CCL28: variants seen among roughly 807,000 people sequenced by gnomAD.
CCL28 encodes the protein C-C motif chemokine 28.
Under a neutral mutation model 7.1 loss-of-function variants are expected in CCL28, and 4 were observed. The observed-to-expected ratio is 0.56, with a 90% CI of 0.28 to 1.29. The LOEUF is 1.29. Ranked by LOEUF, CCL28 falls within the 50% of genes most tolerant of loss-of-function variation. CCL28 has a pLI of 0.11. For missense variants in CCL28, 151 were observed against 163.4 expected, an observed-to-expected ratio of 0.92 and a Z score of 0.41; for synonymous variants, 55 against 57.8, an observed-to-expected ratio of 0.95 and a Z score of 0.22.
the CCL28 span, among the ~76,000 whole-genome samples, chr5:43,362,390 A>G: frequency 6.6e-6 from 1 of 152,190 alleles, no homozygotes; most frequent in South Asian, 2.1e-4. Context: ...TTTTGGGCCA[A>G]GACTATGGGG....
intron 1 of CCL28, among the ~76,000 whole-genome samples, chr5:43,389,365 G>A (rs544753007): frequency 4.3e-4 from 65 of 152,242 alleles, no homozygotes; most frequent in African/African-American, 1.5e-3. Context: ...TAGCTATGCT[G>A]TGCTGCCTAA....
the CCL28 span, among the ~76,000 whole-genome samples, chr5:43,370,142 G>C: frequency 2.0e-5 from 3 of 152,196 alleles, no homozygotes; most frequent in Admixed American, 1.3e-4. Context: ...ACCAGTATAA[G>C]AACTGTCCAA....
chr5:43,367,340 T>G, the CCL28 span, among the ~76,000 whole-genome samples: 1 of 152,172 alleles, frequency 6.6e-6, no homozygotes, highest in East Asian at 1.9e-4. Flanking sequence ...GTTTTGTGCT[T>G]GAAACCCAGG....
chr5:43,401,296 G>A (rs1741025805), intron 1 of CCL28, among the ~76,000 whole-genome samples: 1 of 152,208 alleles, frequency 6.6e-6, no homozygotes, highest in South Asian at 2.1e-4. Context: ...GTCCTGCCAG[G>A]TACTTTTTGG....
At chr5:43,392,369 G>A (rs1157201645) in intron 1 of CCL28, among the ~76,000 whole-genome samples, 4 of 152,006 alleles carry the variant, frequency 2.6e-5, no homozygotes, top group Admixed American at 1.3e-4. Flanking sequence ...TGCCTGCCTC[G>A]CCCTTCCAAA....
At chr5:43,408,928 T>A (rs1167754054) in intron 1 of CCL28, among the ~76,000 whole-genome samples, 1 of 151,642 alleles carries the variant, frequency 6.6e-6, no homozygotes, top group Non-Finnish European at 1.5e-5. Context: ...TCTCACTCTT[T>A]CACCCAGGCT....
downstream of CCL28, among the ~76,000 whole-genome samples, chr5:43,378,110 A>G (rs1485633962): frequency 6.6e-6 from 1 of 152,150 alleles, no homozygotes; most frequent in Non-Finnish European, 1.5e-5. Context: ...TGGGAGGGTG[A>G]GATGGGAGGA....
At chr5:43,404,325 C>T (rs1741173551) in intron 1 of CCL28, among the ~76,000 whole-genome samples, 1 of 152,220 alleles carries the variant, frequency 6.6e-6, no homozygotes, top group South Asian at 2.1e-4. Context: ...AGAAACTCTA[C>T]AAGCCAGAAG....
chr5:43,358,242 T>A, the CCL28 span, among the ~76,000 whole-genome samples: 1 of 152,236 alleles, frequency 6.6e-6, no homozygotes, highest in African/African-American at 2.4e-5. Flanking sequence ...AATTGGCTTT[T>A]GTTTGGAATT....
chr5:43,405,146 C>T lies in CCL28; in HGVS notation c.64+7107G>A, dbSNP rs1279049293. ...TCCAGGAATTGAACACAGATGTGCACCAAGCAGACCTAATAGACATCTACA... is the reference window on the plus strand; with the variant it reads ...TCCAGGAATTGAACACAGATGTGCATCAAGCAGACCTAATAGACATCTACA... On this transcript the variant is annotated intron_variant, in intron 1 of 2. Coordinates refer to ENST00000361115, the MANE Select transcript of CCL28 (RefSeq NM_148672.3). Among the ~76,000 whole-genome samples the T allele has an allele frequency of 2.0e-5, 3 of 152,180 alleles. No homozygotes were observed. In the East Asian group the frequency reaches 5.8e-4, roughly 29 times the overall value.
At chr5:43,399,155 T>C (rs1740934320) in intron 1 of CCL28, among the ~76,000 whole-genome samples, 1 of 152,200 alleles carries the variant, frequency 6.6e-6, no homozygotes, top group South Asian at 2.1e-4. Context: ...GTTTTCCTTT[T>C]CTCATCTCGT....
At chr5:43,404,015 G>C (rs1388093358) in intron 1 of CCL28, among the ~76,000 whole-genome samples, 2 of 152,214 alleles carry the variant, frequency 1.3e-5, no homozygotes, top group African/African-American at 2.4e-5. Context: ...TATGTGAAAA[G>C]ACCAAATCTA....
intron 1 of CCL28, among the ~76,000 whole-genome samples, chr5:43,394,900 T>C (rs1740734222): frequency 6.6e-6 from 1 of 151,692 alleles, no homozygotes; most frequent in Non-Finnish European, 1.5e-5. Flanking sequence ...ATTCATAATA[T>C]ATTAATTTTT....
chr5:43,400,144 C>A (rs944896970), intron 1 of CCL28, among the ~76,000 whole-genome samples: 1 of 152,006 alleles, frequency 6.6e-6, no homozygotes, highest in Admixed American at 6.6e-5. Context: ...CTGCACCTGG[C>A]CTTATTCTGG....
At chr5:43,398,593 G>T (rs1740909229) in intron 1 of CCL28, among the ~76,000 whole-genome samples, 1 of 152,198 alleles carries the variant, frequency 6.6e-6, no homozygotes, top group African/African-American at 2.4e-5. Flanking sequence ...GCTCATGCCT[G>T]TAATCCCAGC....
chr5:43,363,247 C>A, the CCL28 span, among the ~76,000 whole-genome samples: 2 of 152,138 alleles, frequency 1.3e-5, no homozygotes, highest in Non-Finnish European at 2.9e-5. Context: ...AATTCTAGAT[C>A]CTGAATTCTT....
chr5:43,367,882 C>A, the CCL28 span, among the ~76,000 whole-genome samples: 1 of 152,198 alleles, frequency 6.6e-6, no homozygotes, highest in African/African-American at 2.4e-5. Flanking sequence ...TTTGTTAGCC[C>A]ATAAAGTCTA....
chr5:43,398,239 A>G (rs62368926), intron 1 of CCL28, among the ~76,000 whole-genome samples: 3 of 151,406 alleles, frequency 2.0e-5, no homozygotes, highest in Non-Finnish European at 4.4e-5. Flanking sequence ...TTCCTTAGAT[A>G]AGATCTTGCT....
rs544185485 is a variant in CCL28, at chr5:43,391,077, T to A, written c.65-2601A>T. On this transcript the variant is annotated intron_variant, in intron 1 of 2. Transcript: ENST00000361115. The stretch of plus-strand genomic sequence containing the variant: ...TGTGAAAGAAAGTAGGGGGAAAACA[T>A]TTCTAACATAAGAGAAAATGTGGCA... 2.0e-5 allele frequency among the ~76,000 whole-genome samples: 3 copies of A among 152,324 alleles called. No homozygotes were observed. In the South Asian group the frequency reaches 6.2e-4, roughly 32 times the overall value.
Sources: gnomAD v4.1 joint callset for allele counts (sites outside exome capture counted in the v4.1 genomes callset) on GRCh38, gnomAD v4.1.1 for gene constraint, MANE v1.5 for transcripts, NCBI Gene and HGNC (gene_info 2026-07-23, HGNC 2026-07-21) for gene names.